The following CFAP47 variants were observed in gnomAD, a reference collection of about 807,000 sequenced individuals.
CFAP47 encodes cilia- and flagella-associated protein 47.
In CFAP47, 29 loss-of-function variants were observed where a neutral mutation model predicts 148.1. The ratio of observed to expected loss-of-function variants is 0.20; its 90% confidence interval spans 0.15 to 0.27. CFAP47 has a LOEUF of 0.27. CFAP47 is among the 10% of genes least tolerant of loss of function. CFAP47 has a pLI of 1.00. For synonymous variants in CFAP47, 664 were observed against 577.3 expected (o/e 1.15, Z -2.15); for missense variants, 1,872 against 1,697.5 (o/e 1.10, Z -1.81).
Position 35,956,128 on chromosome X carries a change from C to A in CFAP47, c.1342C>A (p.His448Asn). The change falls in exon 8 of 64, where the codon CAC becomes AAC. Residue 448 changes from histidine to asparagine, a missense_variant. By Grantham distance (68) the His-to-Asn change is moderately conservative. Coordinates refer to ENST00000378653, the MANE Select transcript of CFAP47 (RefSeq NM_001304548.2). ...NQCELLPVTY[H>N]FKKTANFEID... is the part of the protein sequence containing the mutation. ...ATGCGAATTACTTCCTGTGACGTAC[C>A]ACTTTAAAAAAACTGCAAATTTTGA... is the stretch of plus-strand genomic sequence containing the variant. 5 of 1,211,029 alleles carry A rather than the reference C, an allele frequency of 4.1e-6. No homozygotes were observed. Among genetic ancestry groups the A allele is most frequent in the Non-Finnish European group, 5.6e-6 (5 of 895,201 alleles).
chrX:36,118,231 T>C (rs1405402797), intron 33 of CFAP47, among the ~76,000 whole-genome samples: 1 of 111,476 alleles, frequency 9.0e-6, no homozygotes, highest in Non-Finnish European at 1.9e-5. Context: ...CTGGGTCTTT[T>C]AGAAATTTTA....
chrX:36,042,188 G>A (rs1281620350), intron 25 of CFAP47, among the ~76,000 whole-genome samples: 2 of 111,149 alleles, frequency 1.8e-5, no homozygotes, highest in Non-Finnish European at 3.8e-5. Flanking sequence ...TAAGCCTAGA[G>A]CAAATATTAT....
chrX:36,147,050 A>G (rs1415541970), intron 36 of CFAP47, among the ~76,000 whole-genome samples: 2 of 111,386 alleles, frequency 1.8e-5, no homozygotes, highest in East Asian at 2.8e-4. Context: ...TCCAAAGTGT[A>G]AAAAAGTATT....
chrX:36,027,167 A>ATT (rs1937229282), intron 22 of CFAP47, among the ~76,000 whole-genome samples: 1 of 104,643 alleles, frequency 9.6e-6, no homozygotes, highest in Non-Finnish European at 1.9e-5. Flanking sequence ...TATATATGTG[A>ATT]TTATATATAT....
intron 30 of CFAP47, among the ~76,000 whole-genome samples, chrX:36,096,875 CT>C (rs1300642392): frequency 9.0e-6 from 1 of 110,695 alleles, no homozygotes; most frequent in Non-Finnish European, 1.9e-5. Context: ...TTACTTCTGC[CT>C]TTTTAAAATT....
intron 39 of CFAP47, among the ~76,000 whole-genome samples, chrX:36,165,170 TACTC>T (rs1333473211): frequency 8.9e-6 from 1 of 112,206 alleles, no homozygotes; most frequent in Non-Finnish European, 1.9e-5. Flanking sequence ...ATGTGTATAT[TACTC>T]ACTGCTTTAG....
rs907654976 is a variant in CFAP47 at position 35,919,812 on chromosome X, A to C, written c.13A>C (p.Lys5Gln). Reference protein sequence around the residue: MNTQKGSLTINVHRG... With the variant: MNTQQGSLTINVHRG... ...CGAGAGGGCAGCCATGAACACCCAA[A>C]AGGGTTCCCTCACCATAAACGTCCA... Residue 5 changes from lysine (K) to glutamine (Q), a missense_variant, in exon 1 of 64, where the codon AAG becomes CAG. Coordinates refer to ENST00000378653, the MANE Select transcript of CFAP47 (RefSeq NM_001304548.2). 2.5e-6 allele frequency: 3 copies of C among 1,203,563 alleles called. No individual in the cohort carries two copies. In the Admixed American group the frequency reaches 6.6e-5, roughly 27 times the overall value.
At chrX:36,211,707 A>C (rs782760156) in intron 45 of CFAP47, 2 of 197,876 alleles carry the variant, frequency 1.0e-5, no homozygotes, top group African/African-American at 6.1e-5. Context: ...GATCAAGGGG[A>C]GGAAGAAGAT....
At chrX:35,941,681 G>C (rs1459927128) in intron 3 of CFAP47, among the ~76,000 whole-genome samples, 1 of 111,422 alleles carries the variant, frequency 9.0e-6, no homozygotes, top group Non-Finnish European at 1.9e-5. Context: ...ATAGTTCAGA[G>C]ACAGAATTAG....
chrX:36,213,537 C>G (rs1940126188), intron 45 of CFAP47, among the ~76,000 whole-genome samples: 1 of 111,963 alleles, frequency 8.9e-6, no homozygotes, highest in Admixed American at 9.5e-5. Context: ...AATTGGGGAA[C>G]CACCACTTGC....
intron 62 of CFAP47, among the ~76,000 whole-genome samples, chrX:36,371,693 T>C (rs1301390562): frequency 2.9e-5 from 2 of 70,037 alleles, no homozygotes; most frequent in East Asian, 5.4e-4. Context: ...TGTGTGTATA[T>C]ACACACATGT....
rs1335886377 is a variant in CFAP47, at chrX:36,188,665, C to T, written c.6150C>T (p.Ser2050=). The T allele has an allele frequency of 3.0e-5, 9 of 295,453 alleles. No individual in the cohort carries two copies. The highest frequency in any genetic ancestry group is 4.1e-4 in the South Asian group (2 of 4,863). 24.3% of individuals were successfully genotyped at this position (295,453 alleles called of 1,213,427 possible). ...GGAGTGACACTGATCAGGGCTGTTC[C>T]GATTCCCCAAATGTCTTACATACCT... The part of the protein sequence containing the change: ...SSGSDTDQGC[S]DSPNVLHTSI... The change falls in exon 41 of 64, where the codon TCC becomes TCT. Residue 2050 remains serine (S), a synonymous_variant. Coordinates refer to ENST00000378653, the MANE Select transcript of CFAP47 (RefSeq NM_001304548.2).
intron 45 of CFAP47, among the ~76,000 whole-genome samples, chrX:36,224,592 C>T (rs998587243): frequency 9.0e-6 from 1 of 111,620 alleles, no homozygotes; most frequent in Non-Finnish European, 1.9e-5. Flanking sequence ...ACATTAGTCT[C>T]TTTTTTGCTG....
intron 22 of CFAP47, among the ~76,000 whole-genome samples, chrX:36,029,704 A>G (rs954994377): frequency 2.0e-4 from 22 of 109,650 alleles, no homozygotes; most frequent in Non-Finnish European, 3.8e-4. Context: ...TATTGGTTGG[A>G]TTTTATACTT....
intron 33 of CFAP47, among the ~76,000 whole-genome samples, chrX:36,130,655 C>T (rs1219333887): frequency 4.5e-5 from 5 of 110,722 alleles, no homozygotes; most frequent in Non-Finnish European, 9.5e-5. Flanking sequence ...TTCACCATAG[C>T]CAAGATTTGG....
chrX:36,241,811 C>T (rs1362699285), intron 48 of CFAP47, among the ~76,000 whole-genome samples: 5 of 112,064 alleles, frequency 4.5e-5, no homozygotes, highest in African/African-American at 1.3e-4. Context: ...GGCCTACCTG[C>T]CTGCTGCAGC....
At chrX:36,186,086 A>G (rs1555985572) in intron 40 of CFAP47, among the ~76,000 whole-genome samples, 1 of 112,096 alleles carries the variant, frequency 8.9e-6, no homozygotes, top group Non-Finnish European at 1.9e-5. Context: ...GTTTATTAAT[A>G]GACATAATGG....
intron 30 of CFAP47, among the ~76,000 whole-genome samples, chrX:36,087,588 A>G (rs1409810171): frequency 8.9e-6 from 1 of 112,274 alleles, no homozygotes; most frequent in Non-Finnish European, 1.9e-5. Flanking sequence ...TCTTAAGGGC[A>G]GAAACCACAT....
At chrX:35,928,646 G>GT (rs374750363) in intron 2 of CFAP47, among the ~76,000 whole-genome samples, 2,291 of 105,932 alleles carry the variant, frequency 0.022, 69 homozygotes, top group African/African-American at 0.072. Flanking sequence ...GAACAAAAGG[G>GT]TTTTTTTTTT....
Sources: allele counts gnomAD v4.1 joint callset (sites outside exome capture counted in the v4.1 genomes callset), GRCh38; gene constraint gnomAD v4.1.1; transcripts MANE v1.5; gene names NCBI Gene and HGNC (gene_info 2026-07-23, HGNC 2026-07-21).